LAMA4: variants seen among roughly 807,000 people sequenced by gnomAD.
The protein encoded by LAMA4 is laminin subunit alpha-4.
LAMA4 carries 127 observed loss-of-function variants against 207.1 expected under a neutral mutation model. The observed-to-expected ratio is 0.61, with a 90% CI of 0.53 to 0.71. The LOEUF (loss-of-function observed/expected upper bound fraction) is 0.71, where lower values mean the gene tolerates loss of function less well. Ranked by LOEUF, LAMA4 falls within the 30% of genes least tolerant of loss-of-function variation. The probability of loss-of-function intolerance (pLI) is 0.00; values close to 1 mark genes in which losing one functional copy is unlikely to be tolerated. For synonymous variants in LAMA4, 761 were observed against 816.0 expected (o/e 0.93, Z 1.15); for missense variants, 2,093 against 2,246.5 (o/e 0.93, Z 1.38).
At chr6:112,251,475 T>A (rs1180784710) in intron 2 of LAMA4, 1 of 152,248 alleles carries the variant, frequency 6.6e-6, no homozygotes, top group Non-Finnish European at 1.5e-5. Flanking sequence ...AATTGCAGAA[T>A]AACCATTCAT....
At chr6:112,240,556 C>G (rs1367603459) in intron 2 of LAMA4, among the ~76,000 whole-genome samples, 26 of 152,206 alleles carry the variant, frequency 1.7e-4, no homozygotes, top group African/African-American at 6.3e-4. Context: ...CCCTACTACC[C>G]TTCCCAGCTT....
intron 2 of LAMA4, among the ~76,000 whole-genome samples, chr6:112,229,338 T>G (rs1785412886): frequency 6.6e-6 from 1 of 152,116 alleles, no homozygotes; most frequent in Non-Finnish European, 1.5e-5. Context: ...TAAATAACCC[T>G]AATCCTCCTC....
At chr6:112,127,299 C>T (rs1319955803) in intron 31 of LAMA4, among the ~76,000 whole-genome samples, 1 of 151,842 alleles carries the variant, frequency 6.6e-6, no homozygotes, top group Non-Finnish European at 1.5e-5. Flanking sequence ...AGCAGTATTA[C>T]TGGTAGGAGG....
chr6:112,158,279 A>G (rs1780841076), intron 14 of LAMA4: 1 of 182,152 alleles, frequency 5.5e-6, no homozygotes, highest in Admixed American at 5.5e-5. Context: ...ATTCCCGACC[A>G]GTTTTACTTA....
intron 4 of LAMA4, 91 bp from the exon 5 acceptor site, chr6:112,201,779 C>A: frequency 9.5e-7 from 1 of 1,048,708 alleles, no homozygotes; most frequent in South Asian, 1.3e-5. Flanking sequence ...ATGTTGGTCC[C>A]ATTAAAGTTC....
Position 112,191,658 on chromosome 6 carries a change from G to A in LAMA4, c.696C>T (p.Ala232=). ...ERCAPGYYGD[A]RIAKNCAVCN... is the part of the protein sequence containing the mutation. ...CACCTGCACAGTTCTTGGCTATCCT[G>A]GCGTCCCCATAGTAGCCAGGAGCGC... is the stretch of plus-strand genomic sequence containing the variant. Residue 232 remains alanine (A), a synonymous_variant, in exon 6 of 39, where the codon GCC becomes GCT. Transcript: ENST00000230538. The A allele has an allele frequency of 6.2e-7, 1 of 1,613,844 alleles. No individual in the cohort carries two copies.
intron 13 of LAMA4, among the ~76,000 whole-genome samples, chr6:112,162,776 G>A (rs892681434): frequency 3.9e-5 from 6 of 152,102 alleles, no homozygotes; most frequent in African/African-American, 9.7e-5. Flanking sequence ...TTGGAACTCC[G>A]TGGAGGTGTC....
chr6:112,132,113 G>T (rs998666512), intron 28 of LAMA4, among the ~76,000 whole-genome samples: 2 of 151,986 alleles, frequency 1.3e-5, no homozygotes, highest in Non-Finnish European at 1.5e-5. Context: ...AACACCTTTG[G>T]CATTTTGGTA....
At chr6:112,190,970 T>TTCTC (rs1562715088) in intron 6 of LAMA4, among the ~76,000 whole-genome samples, 1 of 147,070 alleles carries the variant, frequency 6.8e-6, no homozygotes, top group Non-Finnish European at 1.5e-5. Context: ...CTTTCTTTCT[T>TTCTC]TCTTTCTTTC....
At chr6:112,119,105 G>T in intron 34 of LAMA4, 51 bp downstream of exon 34, 1 of 1,582,190 alleles carries the variant, frequency 6.3e-7, no homozygotes, top group Non-Finnish European at 8.7e-7. Context: ...TCAATTAGAT[G>T]ATCTTCTGGC....
Position 112,119,097 on chromosome 6 carries a change from A to C in LAMA4, c.4821+59T>G, listed in dbSNP as rs2114582459. ...TCCTAATCTGTGAGACGAGGGCCTC[A>C]ATTAGATGATCTTCTGGCTCTAATG... is the stretch of plus-strand genomic sequence containing the variant. On this transcript the variant is annotated intron_variant, in intron 34 of 38. Coordinates refer to ENST00000230538, the MANE Select transcript of LAMA4 (RefSeq NM_001105206.3). The C allele has an allele frequency of 2.6e-6, 4 of 1,554,552 alleles. No homozygotes were observed. In the East Asian group the frequency reaches 9.0e-5, roughly 35 times the overall value.
intron 12 of LAMA4, among the ~76,000 whole-genome samples, chr6:112,170,008 C>T (rs541391456): frequency 6.6e-6 from 1 of 152,266 alleles, no homozygotes; most frequent in South Asian, 2.1e-4. Flanking sequence ...GCTCCCCTTC[C>T]TGATTATAAA....
chr6:112,200,383 C>T (rs953891488), intron 5 of LAMA4, among the ~76,000 whole-genome samples: 5 of 152,190 alleles, frequency 3.3e-5, no homozygotes, highest in African/African-American at 1.2e-4. Context: ...CAGGTAACAA[C>T]AGATGCTGGA....
rs193118241 is a variant in LAMA4 at position 112,245,295 on chromosome 6, T to C, written c.195+8661A>G. 2.3e-3 allele frequency among the ~76,000 whole-genome samples: 355 copies of C among 152,304 alleles called. 3 individuals carry two copies. Among genetic ancestry groups the C allele is most frequent in the African/African-American group, 7.2e-3 (298 of 41,564 alleles). On this transcript the variant is annotated intron_variant, in intron 2 of 38. Transcript: ENST00000230538. ...CCCGAATTTGTGCTGTGGCTCTGTG[T>C]TGTGATTCTAGAGGGTTCTATAGTC...
chr6:112,198,744 G>A (rs78940105), intron 5 of LAMA4, among the ~76,000 whole-genome samples: 2 of 152,078 alleles, frequency 1.3e-5, no homozygotes, highest in African/African-American at 4.8e-5. Flanking sequence ...ATGAGCCAAC[G>A]TGTCCCAGGA....
chr6:112,248,941 A>G (rs917855097), intron 2 of LAMA4, among the ~76,000 whole-genome samples: 1 of 152,218 alleles, frequency 6.6e-6, no homozygotes, highest in African/African-American at 2.4e-5. Context: ...AATTTTCACT[A>G]TTTAGTATTA....
Position 112,161,732 on chromosome 6 carries a change from G to A in LAMA4, c.1669-2852C>T, listed in dbSNP as rs1383233622. ...GTGGGGTGGGATGAGGAGTGAGTGG[G>A]GTAAGGGGTTCATTTGGATGTCAGG... On this transcript the variant is annotated intron_variant, in intron 13 of 38. Transcript: ENST00000230538. Among the ~76,000 whole-genome samples the A allele has an allele frequency of 2.6e-5, 4 of 152,152 alleles. No individual in the cohort carries two copies. In the South Asian group the frequency reaches 6.2e-4, roughly 24 times the overall value.
Position 112,147,053 on chromosome 6 carries a change from T to C in LAMA4, c.2353+1104A>G, listed in dbSNP as rs943279185. On this transcript the variant is annotated intron_variant, in intron 18 of 38. Transcript: ENST00000230538. The stretch of plus-strand genomic sequence containing the variant: ...ATTATGGTATCCTCTTTCATTTCCT[T>C]TGTTTTGAACCACAAAATGCTATTT... Among the ~76,000 whole-genome samples, 7 of 152,350 alleles carry C rather than the reference T, an allele frequency of 4.6e-5. No homozygotes were observed. The East Asian group carries it at 1.3e-3, about 29-fold the overall frequency.
intron 2 of LAMA4, among the ~76,000 whole-genome samples, chr6:112,222,567 A>T (rs571534372): frequency 6.6e-6 from 1 of 152,118 alleles, no homozygotes; most frequent in South Asian, 2.1e-4. Context: ...CATCCTAACC[A>T]CTCTTAAGCC....
Sources: gnomAD v4.1 joint callset for allele counts (sites outside exome capture counted in the v4.1 genomes callset) on GRCh38, gnomAD v4.1.1 for gene constraint, MANE v1.5 for transcripts, NCBI Gene and HGNC (gene_info 2026-07-23, HGNC 2026-07-21) for gene names.